Variants in DNAH6 observed in about 807,000 individuals in gnomAD.
DNAH6 encodes axonemal beta dynein heavy chain 6.
In DNAH6, 340 loss-of-function variants were observed where a neutral mutation model predicts 491.4. That is an observed-to-expected ratio of 0.69 (90% CI 0.63 to 0.76). The LOEUF is 0.76. Among genes scored for constraint, DNAH6 ranks in the 30% least tolerant of loss-of-function variants. The pLI is 0.00. For synonymous variants in DNAH6, 1,603 were observed against 1,686.1 expected (o/e 0.95, Z 1.21); for missense variants, 4,443 against 4,972.2 (o/e 0.89, Z 3.20).
intron 70 of DNAH6, among the ~76,000 whole-genome samples, chr2:84,805,344 T>C (rs983880582): frequency 5.9e-5 from 9 of 151,528 alleles, no homozygotes; most frequent in Admixed American, 1.3e-4. Context: ...AATTAAAGAG[T>C]GGAATGGTAG....
intron 29 of DNAH6, 59 bp downstream of exon 29, chr2:84,625,122 C>A: frequency 2.2e-6 from 3 of 1,374,014 alleles, no homozygotes; most frequent in African/African-American, 1.5e-5. Context: ...TCTCTATTTG[C>A]AACATGACAT....
chr2:84,554,064 G>A (rs996106289), intron 10 of DNAH6, among the ~76,000 whole-genome samples: 2 of 152,114 alleles, frequency 1.3e-5, no homozygotes, highest in Admixed American at 6.5e-5. Context: ...ACTTAGGTCC[G>A]AGAAACCATC....
chr2:84,737,357 G>A (rs1224321449), intron 62 of DNAH6, among the ~76,000 whole-genome samples: 1 of 152,024 alleles, frequency 6.6e-6, no homozygotes, highest in Admixed American at 6.6e-5. Context: ...GAGATAGTGA[G>A]GAGTCCCTCC....
At chr2:84,568,983 C>T (rs529251679) in intron 11 of DNAH6, among the ~76,000 whole-genome samples, 1 of 152,266 alleles carries the variant, frequency 6.6e-6, no homozygotes, top group African/African-American at 2.4e-5. Flanking sequence ...CAAAACAAAA[C>T]TATACATGCA....
At chr2:84,801,248 A>T (rs960183235) in intron 70 of DNAH6, among the ~76,000 whole-genome samples, 59 of 150,698 alleles carry the variant, frequency 3.9e-4, no homozygotes, top group Middle Eastern at 6.8e-3. Flanking sequence ...AAGTATAATT[A>T]AAAAAAAAGA....
In DNAH6 at chr2:84,621,525, A is replaced by G. The variant is rs1314446497; in HGVS notation, c.4045A>G (p.Lys1349Glu). 6.6e-7 allele frequency: 1 copy of G among 1,522,122 alleles called. No homozygotes were observed. The allele number at this position is 1,522,122 out of a possible 1,614,324, so 94.3% of individuals were successfully genotyped here. ...ACACAGTAATCATATACAGGCCCTGAAGAATTTTGAAAAAGTAAATTTTGA... is the reference window on the plus strand; with the variant it reads ...ACACAGTAATCATATACAGGCCCTGGAGAATTTTGAAAAAGTAAATTTTGA... ...TEHSNHIQAL[K>E]NFEKVNFERL... Residue 1349 changes from lysine to glutamate, a missense_variant, in exon 26 of 77, where the codon AAG becomes GAG. This residue lies in a region of DNAH6 where 2,977 missense variants were observed against 3,296.6 expected (regional missense o/e 0.90). Transcript: ENST00000389394.
At chr2:84,709,018 T>C (rs1004504912) in intron 54 of DNAH6, among the ~76,000 whole-genome samples, 1 of 152,218 alleles carries the variant, frequency 6.6e-6, no homozygotes, top group African/African-American at 2.4e-5. Context: ...CTCCATATGC[T>C]TTCAGACTCT....
intron 15 of DNAH6, 45 bp from the exon 16 acceptor site, chr2:84,588,781 T>G: frequency 1.4e-6 from 2 of 1,458,346 alleles, no homozygotes; most frequent in Non-Finnish European, 1.8e-6. Flanking sequence ...TTGGTCTTTA[T>G]CAAAAAGCAG....
chr2:84,490,207 T>C, the DNAH6 span, among the ~76,000 whole-genome samples: 5 of 136,728 alleles, frequency 3.7e-5, no homozygotes, highest in Non-Finnish European at 7.9e-5. Flanking sequence ...ATGTTATTGC[T>C]GAACTTCTTC....
At chr2:84,717,302 T>G (rs896189430) in intron 58 of DNAH6, among the ~76,000 whole-genome samples, 1 of 152,222 alleles carries the variant, frequency 6.6e-6, no homozygotes, top group Non-Finnish European at 1.5e-5. Flanking sequence ...TCTGAAAAAC[T>G]TATTTAAACA....
At chr2:84,599,341 A>G (rs1573167699) in intron 18 of DNAH6, among the ~76,000 whole-genome samples, 1 of 107,332 alleles carries the variant, frequency 9.3e-6, no homozygotes, top group Non-Finnish European at 2.1e-5. Context: ...ATAAACTCTA[A>G]TTTATAATTT....
At chr2:84,716,132 T>C (rs1697511143) in intron 58 of DNAH6, among the ~76,000 whole-genome samples, 1 of 150,198 alleles carries the variant, frequency 6.7e-6, no homozygotes, top group Non-Finnish European at 1.5e-5. Context: ...CATATATACA[T>C]ATATACCCAT....
In DNAH6 at chr2:84,557,762, T is replaced by C. The variant is rs1192855686; in HGVS notation, c.1630T>C (p.Cys544Arg). 6.2e-7 allele frequency: 1 copy of C among 1,605,592 alleles called. No homozygotes were observed. The highest frequency in any genetic ancestry group is 8.5e-7 in the Non-Finnish European group (1 of 1,174,484). The stretch of plus-strand genomic sequence containing the variant: ...TGGTATTTTGGGTGCAGTTAATCAC[T>C]GTCAAAACACTGTGTTATCAGTTCC... ...LDGILGAVNHCQNTVLSVPNL... is the reference protein window; with the variant it reads ...LDGILGAVNHRQNTVLSVPNL... Residue 544 changes from cysteine (C) to arginine (R), a missense_variant, in exon 11 of 77, where the codon TGT (cysteine) becomes CGT (arginine). Physicochemically the swap from Cys to Arg is radical, Grantham distance 180. Around this residue, in one of 3 missense-constraint regions of DNAH6, gnomAD observed 2,977 missense variants for 3,296.6 expected, o/e 0.90. Coordinates refer to ENST00000389394, the MANE Select transcript of DNAH6 (RefSeq NM_001370.2).
intron 39 of DNAH6, among the ~76,000 whole-genome samples, chr2:84,670,895 C>A (rs1289504054): frequency 1.3e-5 from 2 of 152,182 alleles, no homozygotes; most frequent in Non-Finnish European, 2.9e-5. Context: ...AGCTTCCCCA[C>A]CCTCCCTTAT....
intron 36 of DNAH6, among the ~76,000 whole-genome samples, chr2:84,658,792 A>G (rs1482136147): frequency 6.6e-6 from 1 of 152,094 alleles, no homozygotes; most frequent in Non-Finnish European, 1.5e-5. Context: ...ACAAACTTGG[A>G]CTTTTTTTCC....
At chr2:84,483,634 G>A in the DNAH6 span, among the ~76,000 whole-genome samples, 1 of 151,552 alleles carries the variant, frequency 6.6e-6, no homozygotes, top group Non-Finnish European at 1.5e-5. Context: ...TAAGTATGAG[G>A]GCATGAGAAA....
At chr2:84,584,596 G>A (rs908357829) in intron 15 of DNAH6, 16 of 210,266 alleles carry the variant, frequency 7.6e-5, no homozygotes, top group Non-Finnish European at 1.4e-4. Flanking sequence ...TGTTTAAGTA[G>A]TGAATACATT....
intron 4 of DNAH6, among the ~76,000 whole-genome samples, chr2:84,533,983 C>T (rs1677430389): frequency 6.6e-6 from 1 of 151,934 alleles, no homozygotes; most frequent in Non-Finnish European, 1.5e-5. Flanking sequence ...TGTGTGTGAA[C>T]CCTCATCTGT....
chr2:84,503,634 T>C, the DNAH6 span, among the ~76,000 whole-genome samples: 2 of 152,098 alleles, frequency 1.3e-5, no homozygotes, highest in Non-Finnish European at 1.5e-5. Context: ...TATTTCTCTT[T>C]CGTGTTTGAT....
Sources: gnomAD v4.1 joint callset for allele counts (sites outside exome capture counted in the v4.1 genomes callset) on GRCh38, gnomAD v4.1.1 for gene constraint, gnomAD v4.1.1 regional missense constraint, MANE v1.5 for transcripts, NCBI Gene and HGNC (gene_info 2026-07-23, HGNC 2026-07-21) for gene names.